HS3ST5: variants seen among roughly 807,000 people sequenced by gnomAD.
HS3ST5 encodes heparan sulfate-glucosamine 3-sulfotransferase 5, also known as heparan sulfate glucosamine 3-O-sulfotransferase 5.
In HS3ST5, 10 loss-of-function variants were observed where a neutral mutation model predicts 25.4. That is an observed-to-expected ratio of 0.39 (90% CI 0.24 to 0.67). HS3ST5 has a LOEUF of 0.67. HS3ST5 is among the 30% of genes least tolerant of loss of function. The pLI is 0.44. For missense variants in HS3ST5, 324 were observed against 420.7 expected (o/e 0.77, Z 2.01); for synonymous variants, 170 against 162.4 (o/e 1.05, Z -0.36).
chr6:114,145,390 G>T (rs1439072391), intron 3 of HS3ST5, among the ~76,000 whole-genome samples: 1 of 152,146 alleles, frequency 6.6e-6, no homozygotes, highest in Admixed American at 6.5e-5. Flanking sequence ...GGTATTATTT[G>T]CAGTGGTCCC....
intron 3 of HS3ST5, among the ~76,000 whole-genome samples, chr6:114,088,311 G>A (rs752663933): frequency 6.6e-5 from 10 of 151,500 alleles, no homozygotes; most frequent in Non-Finnish European, 1.2e-4. Flanking sequence ...CATATGAAAT[G>A]TCCACCATGG....
intron 1 of HS3ST5, among the ~76,000 whole-genome samples, chr6:114,333,686 C>T (rs542820406): frequency 1.3e-5 from 2 of 152,004 alleles, no homozygotes; most frequent in African/African-American, 4.8e-5. Flanking sequence ...TGCTCTGTCT[C>T]CCAGGCTGGA....
At chr6:114,079,130 G>T (rs1434447056) in intron 3 of HS3ST5, among the ~76,000 whole-genome samples, 1 of 152,192 alleles carries the variant, frequency 6.6e-6, no homozygotes. Context: ...GCTAACCAGG[G>T]TGGTGGTTGA....
At chr6:114,176,453 G>C (rs1779727652) in intron 2 of HS3ST5, among the ~76,000 whole-genome samples, 1 of 152,186 alleles carries the variant, frequency 6.6e-6, no homozygotes, top group East Asian at 1.9e-4. Flanking sequence ...AAAGCCACTT[G>C]TATCATTGGC....
rs1181869248 is a variant in HS3ST5, at chr6:114,062,849, C to T, written c.-4G>A. 2 of 1,610,748 alleles carry T rather than the reference C, an allele frequency of 1.2e-6. No individual in the cohort carries two copies. The highest frequency in any genetic ancestry group is 2.2e-5 in the South Asian group (2 of 91,010). On this transcript the variant is annotated 5_prime_UTR_variant, in exon 4 of 5. Coordinates refer to ENST00000312719, the MANE Select transcript of HS3ST5 (RefSeq NM_153612.4). The stretch of plus-strand genomic sequence containing the variant: ...ACGCCTGCTGTTTGAATAGCATGGC[C>T]CTCCATCAACCTTCAGGACTGCTGC...
intron 3 of HS3ST5, among the ~76,000 whole-genome samples, chr6:114,095,591 T>C (rs188118572): frequency 9.5e-4 from 145 of 152,266 alleles, no homozygotes; most frequent in African/African-American, 3.0e-3. Context: ...ATTCTACTGT[T>C]GTCCAGGGCA....
chr6:114,161,576 A>ATATAT, intron 3 of HS3ST5, among the ~76,000 whole-genome samples: 1 of 50,690 alleles, frequency 2.0e-5, no homozygotes, highest in Non-Finnish European at 4.2e-5. Context: ...TATATATATA[A>ATATAT]AATGCAATGG....
At chr6:114,121,977 G>A (rs1304407209) in intron 3 of HS3ST5, among the ~76,000 whole-genome samples, 1 of 152,214 alleles carries the variant, frequency 6.6e-6, no homozygotes, top group Non-Finnish European at 1.5e-5. Flanking sequence ...CCCCACCTGG[G>A]TGCTAGATGC....
chr6:114,078,251 G>A (rs898257878), intron 3 of HS3ST5, among the ~76,000 whole-genome samples: 1 of 151,700 alleles, frequency 6.6e-6, no homozygotes, highest in African/African-American at 2.4e-5. Context: ...CTGTCATCCA[G>A]GCTGGAGTAC....
intron 2 of HS3ST5, among the ~76,000 whole-genome samples, chr6:114,224,493 G>C (rs2114504473): frequency 6.6e-6 from 1 of 151,288 alleles, no homozygotes; most frequent in African/African-American, 2.4e-5. Context: ...ATGTGTGAGA[G>C]GAAAAGTTCT....
chr6:114,194,047 G>A (rs1463010747), intron 2 of HS3ST5, among the ~76,000 whole-genome samples: 1 of 152,136 alleles, frequency 6.6e-6, no homozygotes, highest in Non-Finnish European at 1.5e-5. Context: ...TTTAGGAGGA[G>A]ACATGTATTC....
intron 3 of HS3ST5, among the ~76,000 whole-genome samples, chr6:114,095,821 C>G (rs771980246): frequency 2.6e-5 from 4 of 152,046 alleles, no homozygotes; most frequent in Admixed American, 1.3e-4. Flanking sequence ...AAATTAAAAC[C>G]CTTACTGTAG....
intron 1 of HS3ST5, among the ~76,000 whole-genome samples, chr6:114,243,810 A>G (rs536542378): frequency 6.6e-6 from 1 of 152,212 alleles, no homozygotes; most frequent in Admixed American, 6.5e-5. Flanking sequence ...GGTTTGTCTT[A>G]TTACACTGAC....
At chr6:114,251,319 A>G (rs1772648812) in intron 1 of HS3ST5, among the ~76,000 whole-genome samples, 1 of 152,158 alleles carries the variant, frequency 6.6e-6, no homozygotes, top group Non-Finnish European at 1.5e-5. Context: ...GTTGGAGGTA[A>G]TGGGCTGGAG....
intron 3 of HS3ST5, among the ~76,000 whole-genome samples, chr6:114,074,768 A>G (rs1774021640): frequency 6.6e-6 from 1 of 152,172 alleles, no homozygotes; most frequent in Non-Finnish European, 1.5e-5. Context: ...AAGTACAGCT[A>G]AAAATCTTAG....
At chr6:114,288,499 T>TTA (rs1425495434) in intron 1 of HS3ST5, among the ~76,000 whole-genome samples, 8 of 152,180 alleles carry the variant, frequency 5.3e-5, no homozygotes, top group Admixed American at 5.2e-4. Context: ...CTTTTTCTAA[T>TTA]GAAAAAGGAC....
intron 1 of HS3ST5, among the ~76,000 whole-genome samples, chr6:114,285,185 A>G (rs1304503073): frequency 2.0e-5 from 3 of 152,020 alleles, no homozygotes; most frequent in Non-Finnish European, 4.4e-5. Flanking sequence ...CAACAAATGA[A>G]TGTATTAAAA....
At chr6:114,086,396 G>A (rs1774827502) in intron 3 of HS3ST5, among the ~76,000 whole-genome samples, 2 of 152,138 alleles carry the variant, frequency 1.3e-5, no homozygotes, top group African/African-American at 4.8e-5. Context: ...CAGCCTCTAG[G>A]AGCTGTGACC....
chr6:114,176,852 G>C (rs1430457380), intron 2 of HS3ST5, among the ~76,000 whole-genome samples: 1 of 152,156 alleles, frequency 6.6e-6, no homozygotes, highest in Non-Finnish European at 1.5e-5. Context: ...GCTTAGATGA[G>C]AGTCACTCCC....
Sources: allele counts gnomAD v4.1 joint callset (sites outside exome capture counted in the v4.1 genomes callset), GRCh38; gene constraint gnomAD v4.1.1; transcripts MANE v1.5; gene names NCBI Gene and HGNC (gene_info 2026-07-23, HGNC 2026-07-21).